The following TOP1 variants were observed in gnomAD, a reference collection of about 807,000 sequenced individuals.
TOP1 encodes the protein DNA topoisomerase 1.
TOP1 carries 10 observed loss-of-function variants against 111.1 expected under a neutral mutation model. The observed-to-expected ratio is 0.09, with a 90% CI of 0.06 to 0.15. TOP1 has a LOEUF of 0.15. Among genes scored for constraint, TOP1 ranks in the 10% least tolerant of loss-of-function variants. TOP1 has a pLI of 1.00. For missense variants in TOP1, 474 were observed against 926.7 expected (o/e 0.51, Z 6.34); for synonymous variants, 271 against 302.9 (o/e 0.89, Z 1.10).
In TOP1 at chr20:41,123,425, C is replaced by T. The variant is rs370093484; in HGVS notation, c.*128C>T. 19 of 613,856 alleles carry T rather than the reference C, an allele frequency of 3.1e-5. No individual in the cohort carries two copies. Among genetic ancestry groups the T allele is most frequent in the African/African-American group, 1.1e-4 (6 of 53,438 alleles). 38.0% of individuals were successfully genotyped at this position (613,856 alleles called of 1,614,324 possible). On this transcript the variant is annotated 3_prime_UTR_variant, in exon 21 of 21. Coordinates refer to ENST00000361337, the MANE Select transcript of TOP1 (RefSeq NM_003286.4). The surrounding 1 kb of genome is among the most constrained non-coding windows in gnomAD (Gnocchi z 5.8). ...AAGTCTTAACAAACCAACATCTTTG[C>T]GAAAAGATAAACCTGGAGATATTAT... is the stretch of plus-strand genomic sequence containing the variant.
intron 3 of TOP1, among the ~76,000 whole-genome samples, chr20:41,062,964 C>T (rs1368401099): frequency 6.6e-6 from 1 of 152,068 alleles, no homozygotes; most frequent in East Asian, 1.9e-4. Flanking sequence ...ATTTTAGATT[C>T]AGTGGGTACA....
In TOP1 at chr20:41,114,239, T is replaced by C. The variant is rs1164488181; in HGVS notation, c.1638+84T>C. 2.4e-6 allele frequency: 3 copies of C among 1,262,776 alleles called. No individual in the cohort carries two copies. Among genetic ancestry groups the C allele is most frequent in the Non-Finnish European group, 3.4e-6 (3 of 895,012 alleles). 78.2% of individuals were successfully genotyped at this position (1,262,776 alleles called of 1,614,324 possible). ...GACTGCTTTTTTGTGTGCTTTGCAC[T>C]TTGCTGGGCACCAGCAAAAGTGACT... On this transcript the variant is annotated intron_variant, in intron 15 of 20. Coordinates refer to ENST00000361337, the MANE Select transcript of TOP1 (RefSeq NM_003286.4). This position sits in a 1 kb window ranked among gnomAD's most constrained non-coding sequence, Gnocchi z 4.5.
Position 41,121,978 on chromosome 20 carries a change from G to T in TOP1, c.2046-28G>T. 6.2e-7 allele frequency: 1 copy of T among 1,612,928 alleles called. No individual in the cohort carries two copies. Among genetic ancestry groups the T allele is most frequent in the Admixed American group, 1.7e-5 (1 of 59,916 alleles). ...TGCTCTTGTCTAGAGCCCAGGCCTG[G>T]TTCTTGAGGACTTTGCTATTCTTCT... On this transcript the variant is annotated intron_variant, in intron 19 of 20. Coordinates refer to ENST00000361337, the MANE Select transcript of TOP1 (RefSeq NM_003286.4). The surrounding 1 kb of genome is among the most constrained non-coding windows in gnomAD (Gnocchi z 4.2).
At position 41,098,322 on chromosome 20, in the gene TOP1, C is replaced by G; in HGVS notation, c.960C>G (p.Ser320Arg). 1 of 1,613,738 alleles carries G rather than the reference C, an allele frequency of 6.2e-7. No individual in the cohort carries two copies. Among genetic ancestry groups the G allele is most frequent in the Non-Finnish European group, 8.5e-7 (1 of 1,179,860 alleles). ...KAQTEARKQM[S>R]KEEKLKIKEE... ...AGACGGAAGCTCGGAAACAGATGAG[C>G]AAGGAAGAGAAACTGGTACTACAGA... is the stretch of plus-strand genomic sequence containing the variant. Residue 320 changes from serine (S) to arginine (R), a missense_variant, in exon 11 of 21, where the codon AGC (serine) becomes AGG (arginine). Transcript: ENST00000361337. The surrounding 1 kb of genome is among the most constrained non-coding windows in gnomAD (Gnocchi z 5.7).
At chr20:41,039,724 C>A (rs1179520228) in intron 2 of TOP1, among the ~76,000 whole-genome samples, 1 of 151,934 alleles carries the variant, frequency 6.6e-6, no homozygotes, top group Non-Finnish European at 1.5e-5. Context: ...CTGGCTAACA[C>A]GGCGAAACCC....
Position 41,029,480 on chromosome 20 carries a change from C to G in TOP1, c.58+25C>G, listed in dbSNP as rs2122578521. 6.4e-7 allele frequency: 1 copy of G among 1,552,278 alleles called. No individual in the cohort carries two copies. The highest frequency in any genetic ancestry group is 1.2e-5 in the South Asian group (1 of 85,088). ...GGTGAGTGTGCCCCCTGCGCCGACT[C>G]CGGGGCCCCCCAGCCGCCGGCCGCC... On this transcript the variant is annotated intron_variant, in intron 2 of 20. Transcript: ENST00000361337. The surrounding 1 kb of genome is among the most constrained non-coding windows in gnomAD (Gnocchi z 6.1).
Position 41,092,463 on chromosome 20 carries a change from C to T in TOP1, c.615-9C>T, listed in dbSNP as rs773432509. 2.0e-6 allele frequency: 3 copies of T among 1,467,170 alleles called. No homozygotes were observed. The highest frequency in any genetic ancestry group is 2.8e-6 in the Non-Finnish European group (3 of 1,073,720). The allele number at this position is 1,467,170 out of a possible 1,614,324, so 90.9% of individuals were successfully genotyped here. A position where few individuals can be genotyped will look rare whatever the true frequency, so the allele number is the denominator to read the frequency against. On this transcript the variant is annotated splice_polypyrimidine_tract_variant and intron_variant, in intron 8 of 20. Transcript: ENST00000361337. The surrounding 1 kb of genome is among the most constrained non-coding windows in gnomAD (Gnocchi z 4.3). ...ATCACTAAATGAGGCTGTGCTTTGT[C>T]TTTTAAAGGTGGGAAGAAGAGCGCT...
In TOP1 at chr20:41,078,412, A is replaced by G. The variant is rs2033753149; in HGVS notation, c.335+775A>G. 6.6e-6 allele frequency among the ~76,000 whole-genome samples: 1 copy of G among 152,200 alleles called. No individual in the cohort carries two copies. Reference sequence around the variant, plus strand: ...TGTTTGCATTATTGACTGGGACAAAACACTTTGAGAGTTTTGCTTCCTTGA... The same window carrying G: ...TGTTTGCATTATTGACTGGGACAAAGCACTTTGAGAGTTTTGCTTCCTTGA... On this transcript the variant is annotated intron_variant, in intron 5 of 20. Coordinates refer to ENST00000361337, the MANE Select transcript of TOP1 (RefSeq NM_003286.4). The surrounding 1 kb of genome is among the most constrained non-coding windows in gnomAD (Gnocchi z 5.3).
chr20:41,088,989 A>C (rs1357801316), intron 8 of TOP1, among the ~76,000 whole-genome samples: 1 of 145,876 alleles, frequency 6.9e-6, no homozygotes, highest in Non-Finnish European at 1.5e-5. Flanking sequence ...TGTAGTTATT[A>C]ACAATTCCCC....
chr20:41,056,161 T>C (rs2033468245), intron 2 of TOP1, among the ~76,000 whole-genome samples: 1 of 152,238 alleles, frequency 6.6e-6, no homozygotes, highest in Non-Finnish European at 1.5e-5. Context: ...ACTTCAGTAT[T>C]CATCTTTAGA....
Position 41,113,732 on chromosome 20 carries a change from AT to A in TOP1, c.1453-237del, listed in dbSNP as rs146518011. On this transcript the variant is annotated intron_variant, in intron 14 of 20. Transcript: ENST00000361337. Reference sequence around the variant, plus strand: ...TAAAAATACAAAAAAAAAAAAAAAAATAAAAATTGGCGTGGTGGCGGGCGCC... The same window carrying A: ...TAAAAATACAAAAAAAAAAAAAAAAAAAAAATTGGCGTGGTGGCGGGCGCC... Among the ~76,000 whole-genome samples the A allele has an allele frequency of 6.9e-3, 1,039 of 150,150 alleles. 7 individuals carry two copies. The highest frequency in any genetic ancestry group is 0.016 in the South Asian group (74 of 4,706).
Position 41,123,173 on chromosome 20 carries a change from C to T in TOP1, c.2196-22C>T. ...ATTGCTGAGTCACCCTAATCCCCCC[C>T]TTATTTCTCCTTTGTTTGCAGGTGC... On this transcript the variant is annotated intron_variant, in intron 20 of 20. Transcript: ENST00000361337. This position sits in a 1 kb window ranked among gnomAD's most constrained non-coding sequence, Gnocchi z 5.8. 3.8e-6 allele frequency: 6 copies of T among 1,578,716 alleles called. No homozygotes were observed. The highest frequency in any genetic ancestry group is 5.2e-6 in the Non-Finnish European group (6 of 1,148,054).
In TOP1 at chr20:41,121,849, A is replaced by AG; in HGVS notation, c.2045+62dup. ...TAGAGAAAAGTGTGCAGCATCTGTC[A>AG]GGGCCCCTGGGGCCCTGGCTTTTCG... On this transcript the variant is annotated intron_variant, in intron 19 of 20. Coordinates refer to ENST00000361337, the MANE Select transcript of TOP1 (RefSeq NM_003286.4). This position sits in a 1 kb window ranked among gnomAD's most constrained non-coding sequence, Gnocchi z 4.2. 1 of 1,579,856 alleles carries AG rather than the reference A, an allele frequency of 6.3e-7. No individual in the cohort carries two copies. Among genetic ancestry groups the AG allele is most frequent in the Non-Finnish European group, 8.7e-7 (1 of 1,149,950 alleles).
Position 41,100,230 on chromosome 20 carries a change from A to G in TOP1, c.1150A>G (p.Ile384Val). ...KRRIMPEDII[I>V]NCSKDAKVPS... ...ACGAATCATGCCCGAGGATATAATCATCAACTGTAGCAAGTGAGCTCGCAC... is the reference window on the plus strand; with the variant it reads ...ACGAATCATGCCCGAGGATATAATCGTCAACTGTAGCAAGTGAGCTCGCAC... The change falls in exon 12 of 21, where the codon ATC (isoleucine) becomes GTC (valine). Residue 384 changes from isoleucine (I) to valine (V), a missense_variant. Ile to Val is a conservative substitution (Grantham distance 29). This residue lies in a region of TOP1 where 22 missense variants were observed against 30.4 expected (regional missense o/e 0.72). Transcript: ENST00000361337. The surrounding 1 kb of genome is among the most constrained non-coding windows in gnomAD (Gnocchi z 4.4). 6.2e-7 allele frequency: 1 copy of G among 1,613,444 alleles called. No individual in the cohort carries two copies. Among genetic ancestry groups the G allele is most frequent in the Non-Finnish European group, 8.5e-7 (1 of 1,179,688 alleles).
At chr20:41,075,598 C>G (rs1051060573) in intron 3 of TOP1, among the ~76,000 whole-genome samples, 2 of 152,166 alleles carry the variant, frequency 1.3e-5, no homozygotes, top group Non-Finnish European at 1.5e-5. Flanking sequence ...GCTTTTTAAC[C>G]TTTAACAAAG....
chr20:41,103,583 A>G lies in TOP1; in HGVS notation c.1308+2230A>G, dbSNP rs561851483. Among the ~76,000 whole-genome samples the G allele has an allele frequency of 5.9e-5, 9 of 152,198 alleles. No homozygotes were observed. In the South Asian group the frequency reaches 1.7e-3, roughly 28 times the overall value. On this transcript the variant is annotated intron_variant, in intron 13 of 20. Coordinates refer to ENST00000361337, the MANE Select transcript of TOP1 (RefSeq NM_003286.4). The stretch of plus-strand genomic sequence containing the variant: ...GTGCCATCTGAGAGTATACCAGGGT[A>G]CCTGATCCAGCCTCTGGGGTTCAGG...
Position 41,029,165 on chromosome 20 carries a change from A to AGGCCCCGACCCC in TOP1, c.33+66_33+77dup. On this transcript the variant is annotated intron_variant, in intron 1 of 20. Transcript: ENST00000361337. The surrounding 1 kb of genome is among the most constrained non-coding windows in gnomAD (Gnocchi z 6.1). ...CTGGCCGTCCCGCGACCCCCGGCGC[A>AGGCCCCGACCCC]GGCCCCGACCCCAGCCCCGGCCCGG... 7.8e-7 allele frequency: 1 copy of AGGCCCCGACCCC among 1,279,314 alleles called. No individual in the cohort carries two copies. Among genetic ancestry groups the AGGCCCCGACCCC allele is most frequent in the South Asian group, 1.6e-5 (1 of 61,006 alleles). The allele number at this position is 1,279,314 out of a possible 1,614,324, so 79.2% of individuals were successfully genotyped here. A position where few individuals can be genotyped will look rare whatever the true frequency, so the allele number is the denominator to read the frequency against.
At chr20:41,063,287 C>T (rs778391850) in intron 3 of TOP1, among the ~76,000 whole-genome samples, 57 of 152,192 alleles carry the variant, frequency 3.7e-4, no homozygotes, top group Non-Finnish European at 6.3e-4. Context: ...TTTTTATGAC[C>T]GTATAGTATT....
Position 41,116,352 on chromosome 20 carries a change from C to T in TOP1, c.1782C>T (p.Ala594=), listed in dbSNP as rs1473800642. 2 of 1,613,928 alleles carry T rather than the reference C, an allele frequency of 1.2e-6. No individual in the cohort carries two copies. The highest frequency in any genetic ancestry group is 4.5e-5 in the East Asian group (2 of 44,884). ...LTAKVFRTYN[A]SITLQQQLKE... ...CCAAGGTATTCCGTACATACAATGCCTCCATCACGCTACAGCAGCAGCTAA... is the reference window on the plus strand; with the variant it reads ...CCAAGGTATTCCGTACATACAATGCTTCCATCACGCTACAGCAGCAGCTAA... The change falls in exon 17 of 21, where the codon GCC becomes GCT. Residue 594 remains alanine, a synonymous_variant. Transcript: ENST00000361337. This position sits in a 1 kb window ranked among gnomAD's most constrained non-coding sequence, Gnocchi z 5.6.
Sources: allele counts gnomAD v4.1 joint callset (sites outside exome capture counted in the v4.1 genomes callset), GRCh38; gene constraint gnomAD v4.1.1; regional missense constraint gnomAD v4.1.1; non-coding constraint Gnocchi (gnomAD v3.1); transcripts MANE v1.5; gene names NCBI Gene and HGNC (gene_info 2026-07-23, HGNC 2026-07-21).